SRI: variants seen among roughly 807,000 people sequenced by gnomAD.
SRI encodes the protein sorcin, also known as 22 kDa protein.
A neutral mutation model predicts 33.3 loss-of-function variants in SRI; 30 were observed. The ratio of observed to expected loss-of-function variants is 0.90; its 90% CI spans 0.67 to 1.22. The LOEUF (loss-of-function observed/expected upper bound fraction) is 1.22, where lower values mean the gene tolerates loss of function less well. Among genes scored for constraint, SRI ranks in the 50% most tolerant of loss-of-function variants. The pLI is 0.00. For missense variants in SRI, 243 were observed against 250.8 expected (o/e 0.97, Z 0.21); for synonymous variants, 75 against 89.9 (o/e 0.83, Z 0.94).
chr7:88,222,758 C>T (rs1224013398), upstream of SRI, among the ~76,000 whole-genome samples: 1 of 152,106 alleles, frequency 6.6e-6, no homozygotes, highest in Non-Finnish European at 1.5e-5. Flanking sequence ...GAAAGGATTC[C>T]CTATTTAATA....
At chr7:88,219,116 C>T in intron 1 of SRI, 174 bp from the exon 2 acceptor site, 1 of 643,340 alleles carries the variant, frequency 1.6e-6, no homozygotes, top group Non-Finnish European at 2.8e-6. Flanking sequence ...TCCATTCACA[C>T]CCCGTAATTT....
chr7:88,226,822 T>C, intron 1 of SRI: 1 of 1,427,538 alleles, frequency 7.0e-7, no homozygotes, highest in Non-Finnish European at 9.7e-7. Context: ...CTACAAAGAT[T>C]AGGAACTTTC....
At chr7:88,219,646 CG>C (rs1037650347) in intron 1 of SRI, among the ~76,000 whole-genome samples, 3 of 4,692 alleles carry the variant, frequency 6.4e-4, no homozygotes, top group African/African-American at 2.1e-3. Context: ...ACCAAGAAGG[CG>C]GGGGTGGGGT....
At chr7:88,207,772 C>T (rs1448210350) in intron 7 of SRI, 1 of 152,288 alleles carries the variant, frequency 6.6e-6, no homozygotes, top group Non-Finnish European at 1.5e-5. Context: ...GCGGACAGAT[C>T]ACAAGGACAG....
rs771076648 is a variant in SRI, at chr7:88,218,944, T to C, written c.52-2A>G. 1.9e-6 allele frequency: 3 copies of C among 1,613,532 alleles called. No individual in the cohort carries two copies. Among genetic ancestry groups the C allele is most frequent in the East Asian group, 2.2e-5 (1 of 44,878 alleles). ...AGGCCCTCCGGGAGCCCCTCCATAC[T>C]GTGAAACAGGAAACACATACACGTC... On this transcript the variant is annotated splice_acceptor_variant, in intron 1 of 7. Coordinates refer to ENST00000265729, the MANE Select transcript of SRI (RefSeq NM_003130.4). LOFTEE classifies it high-confidence loss of function.
chr7:88,209,237 G>T, intron 6 of SRI, 102 bp downstream of exon 6: 1 of 986,352 alleles, frequency 1.0e-6, no homozygotes, highest in Non-Finnish European at 1.5e-6. Context: ...ACTAAAGCAA[G>T]AAAAAATTTG....
rs2115726317 is a variant in SRI, at chr7:88,205,400, G to T, written c.*1078C>A. On this transcript the variant is annotated 3_prime_UTR_variant, in exon 8 of 8. Transcript: ENST00000265729. ...TCTCCTTTTCAAAGATGGGGAAACT[G>T]AAACTGGGCATTATCTATAATGACC... 6.6e-6 allele frequency: 1 copy of T among 152,284 alleles called. No homozygotes were observed. The highest frequency in any genetic ancestry group is 3.4e-3 in the Middle Eastern group (1 of 294). 9.4% of individuals were successfully genotyped at this position (152,284 alleles called of 1,614,324 possible).
upstream of SRI, among the ~76,000 whole-genome samples, chr7:88,224,216 A>C (rs1283086057): frequency 6.6e-6 from 1 of 152,206 alleles, no homozygotes; most frequent in Non-Finnish European, 1.5e-5. Context: ...TTTGTGGTAC[A>C]CCTTCCCTAA....
chr7:88,221,682 G>T (rs990366379), upstream of SRI, among the ~76,000 whole-genome samples: 1 of 152,126 alleles, frequency 6.6e-6, no homozygotes, highest in Non-Finnish European at 1.5e-5. Flanking sequence ...TACTGCTAAA[G>T]AATTGAATTT....
At chr7:88,208,796 T>A in intron 6 of SRI, 1 of 565,040 alleles carries the variant, frequency 1.8e-6, no homozygotes, top group Non-Finnish European at 3.0e-6. Context: ...TGTTTTTTTG[T>A]TTTTTTAGAT....
intron 3 of SRI, chr7:88,216,847 T>C: frequency 2.1e-6 from 1 of 481,472 alleles, no homozygotes; most frequent in Non-Finnish European, 3.8e-6. Flanking sequence ...CAATCATAGA[T>C]TACTGCAGCC....
chr7:88,215,175 C>T (rs1431468690), intron 3 of SRI, among the ~76,000 whole-genome samples: 1 of 152,164 alleles, frequency 6.6e-6, no homozygotes, highest in African/African-American at 2.4e-5. Flanking sequence ...ACACTGACAC[C>T]TCATAGGCAG....
upstream of SRI, chr7:88,220,053 C>A (rs573663554): frequency 1.1e-5 from 17 of 1,515,658 alleles, no homozygotes; most frequent in Admixed American, 2.0e-5. Flanking sequence ...CAGCCGCCCT[C>A]GCCCTGTGCG....
chr7:88,221,246 T>C (rs1255849275), upstream of SRI, among the ~76,000 whole-genome samples: 1 of 152,188 alleles, frequency 6.6e-6, no homozygotes, highest in African/African-American at 2.4e-5. Context: ...CCTCATTCGG[T>C]TCATTGTTTT....
intron 1 of SRI, chr7:88,219,342 C>T (rs1851820778): frequency 3.5e-6 from 1 of 287,118 alleles, no homozygotes; most frequent in Non-Finnish European, 6.8e-6. Context: ...GAGTTGGTAA[C>T]ATTCTGAGAC....
Position 88,210,941 on chromosome 7 carries a change from A to G in SRI, c.206-16T>C. ...AGGTTAAAAGCTGTTAAATCAAGAAAAGTACATACATATTAACACAAATCC... is the reference window on the plus strand; with the variant it reads ...AGGTTAAAAGCTGTTAAATCAAGAAGAGTACATACATATTAACACAAATCC... On this transcript the variant is annotated splice_polypyrimidine_tract_variant and intron_variant, in intron 3 of 7. Transcript: ENST00000265729. 6.2e-7 allele frequency: 1 copy of G among 1,611,136 alleles called. No homozygotes were observed. Among genetic ancestry groups the G allele is most frequent in the Non-Finnish European group, 8.5e-7 (1 of 1,177,632 alleles).
At chr7:88,213,136 G>C (rs1183589819) in intron 3 of SRI, among the ~76,000 whole-genome samples, 1 of 152,120 alleles carries the variant, frequency 6.6e-6, no homozygotes, top group East Asian at 1.9e-4. Flanking sequence ...TGTCTCCTTA[G>C]TTAGCATTTC....
upstream of SRI, among the ~76,000 whole-genome samples, chr7:88,224,242 A>C (rs574825083): frequency 2.3e-3 from 353 of 152,368 alleles, 1 homozygote; most frequent in African/African-American, 7.5e-3. Context: ...TTTTCAAGAC[A>C]AACGGCAGTG....
chr7:88,209,953 G>C, intron 5 of SRI, 30 bp downstream of exon 5: 1 of 1,613,752 alleles, frequency 6.2e-7, no homozygotes, highest in Non-Finnish European at 8.5e-7. Flanking sequence ...TTCTACCAAT[G>C]AATGGAGAGT....
Sources: allele counts gnomAD v4.1 joint callset (sites outside exome capture counted in the v4.1 genomes callset), GRCh38; gene constraint gnomAD v4.1.1; transcripts MANE v1.5; gene names NCBI Gene and HGNC (gene_info 2026-07-23, HGNC 2026-07-21).